The following SGPP2 variants were observed in gnomAD, a reference collection of about 807,000 sequenced individuals.
The protein encoded by SGPP2 is sphingosine 1-phosphate phosphohydrolase 2.
A neutral mutation model predicts 33.9 loss-of-function variants in SGPP2; 30 were observed. That is an observed-to-expected ratio of 0.89 (90% CI 0.66 to 1.20). The LOEUF (loss-of-function observed/expected upper bound fraction) is 1.20. SGPP2 is among the 50% of genes most tolerant of loss of function. The probability of loss-of-function intolerance (pLI) is 0.00; values close to 1 mark genes in which losing one functional copy is unlikely to be tolerated. For synonymous variants in SGPP2, 233 were observed against 225.0 expected (o/e 1.04, Z -0.32); for missense variants, 458 against 532.1 (o/e 0.86, Z 1.37).
intron 4 of SGPP2, among the ~76,000 whole-genome samples, chr2:222,539,179 G>A (rs185473346): frequency 5.6e-4 from 85 of 152,264 alleles, no homozygotes; most frequent in African/African-American, 1.7e-3. Flanking sequence ...CGATGGGATT[G>A]GGTAAATACT....
intron 1 of SGPP2, chr2:222,452,901 C>T (rs1279709903): frequency 3.7e-6 from 6 of 1,600,334 alleles, no homozygotes. Flanking sequence ...CTGTTTGTAG[C>T]TAAGGTTCAG....
At chr2:222,557,949 C>G (rs935986954) in intron 4 of SGPP2, among the ~76,000 whole-genome samples, 2 of 152,196 alleles carry the variant, frequency 1.3e-5, no homozygotes, top group African/African-American at 4.8e-5. Flanking sequence ...CTTTAGCCAG[C>G]CTGCAGCCCA....
rs1697955626 is a variant in SGPP2 at position 222,477,257 on chromosome 2, GTATA to G, written c.378+2534_378+2537del. 6.6e-6 allele frequency among the ~76,000 whole-genome samples: 1 copy of G among 151,116 alleles called. No homozygotes were observed. ...TAGGTGTGTATATACATGTATGTGA[GTATA>G]TAGGTGTATATGTATGTGTGTATGG... is the stretch of plus-strand genomic sequence containing the variant. On this transcript the variant is annotated intron_variant, in intron 2 of 4. Coordinates refer to ENST00000321276, the MANE Select transcript of SGPP2 (RefSeq NM_152386.4). This position sits in a 1 kb window ranked among gnomAD's most constrained non-coding sequence, Gnocchi z 6.0.
intron 4 of SGPP2, among the ~76,000 whole-genome samples, chr2:222,532,892 A>G (rs757520660): frequency 2.6e-5 from 4 of 152,082 alleles, no homozygotes; most frequent in Non-Finnish European, 4.4e-5. Context: ...AGGGGCCCCA[A>G]TGACATCACT....
At chr2:222,518,889 CAG>C (rs1213561638) in intron 2 of SGPP2, among the ~76,000 whole-genome samples, 2 of 152,278 alleles carry the variant, frequency 1.3e-5, no homozygotes, top group African/African-American at 2.4e-5. Context: ...AACACCTTCT[CAG>C]GGGGTTACTG....
chr2:222,518,488 C>G (rs777342348), intron 2 of SGPP2, among the ~76,000 whole-genome samples: 1 of 152,072 alleles, frequency 6.6e-6, no homozygotes, highest in Non-Finnish European at 1.5e-5. Context: ...AGTAGTTATG[C>G]CTGTGATATT....
chr2:222,534,798 C>T (rs1698889221), intron 4 of SGPP2, among the ~76,000 whole-genome samples: 1 of 152,146 alleles, frequency 6.6e-6, no homozygotes, highest in African/African-American at 2.4e-5. Context: ...CCTAGAGAGA[C>T]ATATTTTTAC....
rs1450075377 is a variant in SGPP2, at chr2:222,558,893, C to A, written c.1195C>A (p.Pro399Thr). Residue 399 changes from proline (P) to threonine (T), a missense_variant, in exon 5 of 5, where the codon CCC becomes ACC. Transcript: ENST00000321276. ...GATGCTTCACAGGTTTCTGGGATTA[C>A]CCTGAGTCTCAAACAGTTGGAAACT... ...VPMLHRFLGL[P>T] 3 of 1,602,348 alleles carry A rather than the reference C, an allele frequency of 1.9e-6. No homozygotes were observed. The Admixed American group carries it at 5.0e-5, about 27-fold the overall frequency.
intron 4 of SGPP2, among the ~76,000 whole-genome samples, chr2:222,527,441 A>G (rs567827429): frequency 1.1e-4 from 16 of 152,068 alleles, no homozygotes; most frequent in African/African-American, 2.4e-4. Context: ...GCTACTGTGA[A>G]TAAGGCTTCT....
At chr2:222,534,072 G>A (rs563415187) in intron 4 of SGPP2, among the ~76,000 whole-genome samples, 74 of 152,280 alleles carry the variant, frequency 4.9e-4, no homozygotes, top group Admixed American at 1.5e-3. Flanking sequence ...AAAGTCCCAT[G>A]ATATGCTCTC....
intron 2 of SGPP2, among the ~76,000 whole-genome samples, chr2:222,488,265 C>T (rs1698143023): frequency 6.6e-6 from 1 of 152,146 alleles, no homozygotes; most frequent in African/African-American, 2.4e-5. Flanking sequence ...GGGCCATGGA[C>T]TGGTACTGTA....
At chr2:222,484,939 G>A (rs1157010161) in intron 2 of SGPP2, among the ~76,000 whole-genome samples, 1 of 152,054 alleles carries the variant, frequency 6.6e-6, no homozygotes, top group East Asian at 1.9e-4. Flanking sequence ...AATTCCACTG[G>A]CAAAGCTGCC....
chr2:222,507,197 T>C (rs1574867222), intron 2 of SGPP2, among the ~76,000 whole-genome samples: 1 of 152,182 alleles, frequency 6.6e-6, no homozygotes, highest in South Asian at 2.1e-4. Context: ...AATGGCTTGG[T>C]TTGATTTTCC....
At chr2:222,478,304 C>T (rs942409835) in intron 2 of SGPP2, among the ~76,000 whole-genome samples, 2 of 146,564 alleles carry the variant, frequency 1.4e-5, no homozygotes, top group Non-Finnish European at 3.0e-5. Flanking sequence ...TGTATACGTA[C>T]GCGTGTTGGG....
intron 1 of SGPP2, among the ~76,000 whole-genome samples, chr2:222,438,870 A>G (rs1050298666): frequency 1.4e-4 from 22 of 152,202 alleles, no homozygotes; most frequent in Non-Finnish European, 2.9e-5. Flanking sequence ...ATGCAGCTCT[A>G]ATGGCTTCCA....
rs1011861049 is a variant in SGPP2, at chr2:222,558,621, C to T, written c.923C>T (p.Pro308Leu). The T allele has an allele frequency of 1.9e-6, 3 of 1,614,060 alleles. No individual in the cohort carries two copies. Among genetic ancestry groups the T allele is most frequent in the Admixed American group, 1.7e-5 (1 of 60,000 alleles). ...GTATCCAAGCCCGCTGAATCTCTCCCTGTTATTCAGAACATCCCACCACTC... is the reference window on the plus strand; with the variant it reads ...GTATCCAAGCCCGCTGAATCTCTCCTTGTTATTCAGAACATCCCACCACTC... The part of the protein sequence containing the change: ...QLVSKPAESL[P>L]VIQNIPPLTT... The change falls in exon 5 of 5, where the codon CCT (proline) becomes CTT (leucine). Residue 308 changes from proline to leucine, a missense_variant. Physicochemically the swap from Pro to Leu is moderately conservative, Grantham distance 98 (BLOSUM62 -3). Coordinates refer to ENST00000321276, the MANE Select transcript of SGPP2 (RefSeq NM_152386.4).
At chr2:222,542,147 T>C (rs1044776207) in intron 4 of SGPP2, among the ~76,000 whole-genome samples, 2 of 152,206 alleles carry the variant, frequency 1.3e-5, no homozygotes, top group Admixed American at 6.5e-5. Flanking sequence ...TAGTTGGATT[T>C]CATATAAATG....
chr2:222,487,580 A>G (rs763782516), intron 2 of SGPP2, among the ~76,000 whole-genome samples: 2 of 152,118 alleles, frequency 1.3e-5, no homozygotes, highest in Non-Finnish European at 2.9e-5. Flanking sequence ...TGTTGTGCCA[A>G]ACCCCTATTA....
chr2:222,547,151 C>T (rs572310347), intron 4 of SGPP2, among the ~76,000 whole-genome samples: 26 of 152,306 alleles, frequency 1.7e-4, no homozygotes, highest in Middle Eastern at 3.4e-3. Flanking sequence ...AATTATATAG[C>T]GTCCAACGTA....
Sources: gnomAD v4.1 joint callset for allele counts (sites outside exome capture counted in the v4.1 genomes callset) on GRCh38, gnomAD v4.1.1 for gene constraint, Gnocchi (gnomAD v3.1) non-coding constraint, MANE v1.5 for transcripts, NCBI Gene and HGNC (gene_info 2026-07-23, HGNC 2026-07-21) for gene names.